The following TENM3 variants were observed in gnomAD, a reference collection of about 807,000 sequenced individuals.
TENM3 encodes the protein teneurin transmembrane protein 3.
In TENM3, 63 loss-of-function variants were observed where a neutral mutation model predicts 255.1. The observed-to-expected ratio is 0.25, with a 90% CI of 0.20 to 0.30. The LOEUF (loss-of-function observed/expected upper bound fraction) is 0.30, where lower values mean the gene tolerates loss of function less well. Ranked by LOEUF, TENM3 falls within the 10% of genes least tolerant of loss-of-function variation. The pLI is 1.00. For synonymous variants in TENM3, 1,306 were observed against 1,322.3 expected, an observed-to-expected ratio of 0.99 and a Z score of 0.27; for missense variants, 2,929 against 3,461.1, an observed-to-expected ratio of 0.85 and a Z score of 3.86.
intron 1 of TENM3, among the ~76,000 whole-genome samples, chr4:182,150,183 C>CA (rs796763515): frequency 6.8e-6 from 1 of 147,442 alleles, no homozygotes; most frequent in Non-Finnish European, 1.5e-5. Flanking sequence ...GCCTCAAAAC[C>CA]AAAAAAAGAT....
At chr4:182,076,145 A>G in the TENM3 span, among the ~76,000 whole-genome samples, 1 of 151,258 alleles carries the variant, frequency 6.6e-6, no homozygotes, top group South Asian at 2.1e-4. Context: ...TCGTGGCCTC[A>G]CACAATCAAA....
At position 182,801,029 on chromosome 4, in the gene TENM3, T is replaced by C. The variant is rs1388675784; in HGVS notation, c.*678T>C. The C allele has an allele frequency of 6.5e-6, 1 of 152,686 alleles. No individual in the cohort carries two copies. The highest frequency in any genetic ancestry group is 1.5e-5 in the Non-Finnish European group (1 of 68,048). The allele number at this position is 152,686 out of a possible 1,614,324, so 9.5% of individuals were successfully genotyped here. A position where few individuals can be genotyped will look rare whatever the true frequency, so the allele number is the denominator to read the frequency against. On this transcript the variant is annotated 3_prime_UTR_variant, in exon 28 of 28. Transcript: ENST00000511685. ...GACAAGTTGTTTATGGATTTTTATA[T>C]GAATTACAATTTACTGTACATCAAA...
At chr4:181,838,119 A>G in the TENM3 span, among the ~76,000 whole-genome samples, 10 of 144,546 alleles carry the variant, frequency 6.9e-5, no homozygotes, top group Non-Finnish European at 1.5e-5. Flanking sequence ...AGCCTGGGCA[A>G]CAGAGCAAGA....
the TENM3 span, among the ~76,000 whole-genome samples, chr4:181,744,767 G>C: frequency 3.3e-5 from 5 of 152,126 alleles, no homozygotes; most frequent in African/African-American, 7.2e-5. Flanking sequence ...AAATAGTTTT[G>C]GTATGAGATG....
chr4:181,743,160 A>G, the TENM3 span, among the ~76,000 whole-genome samples: 1 of 152,234 alleles, frequency 6.6e-6, no homozygotes, highest in African/African-American at 2.4e-5. Flanking sequence ...TCTTTATAGC[A>G]GCATGATTTA....
chr4:182,121,803 T>G, the TENM3 span, among the ~76,000 whole-genome samples: 1 of 152,302 alleles, frequency 6.6e-6, no homozygotes, highest in South Asian at 2.1e-4. Flanking sequence ...TGTGGCAATT[T>G]ATTAAAATAA....
At chr4:181,912,603 G>T in the TENM3 span, among the ~76,000 whole-genome samples, 1 of 151,922 alleles carries the variant, frequency 6.6e-6, no homozygotes, top group African/African-American at 2.4e-5. Flanking sequence ...GACCAGCCTG[G>T]CCAACATAGT....
the TENM3 span, among the ~76,000 whole-genome samples, chr4:181,584,102 A>T: frequency 6.6e-6 from 1 of 152,232 alleles, no homozygotes; most frequent in South Asian, 2.1e-4. Flanking sequence ...TAGCACTGAC[A>T]TATTCATAGT....
the TENM3 span, among the ~76,000 whole-genome samples, chr4:182,102,888 G>A: frequency 6.6e-6 from 1 of 152,110 alleles, no homozygotes; most frequent in Non-Finnish European, 1.5e-5. Flanking sequence ...AGTGCATCTG[G>A]CATTCAGTAA....
chr4:182,561,299 T>C (rs1339490108), intron 3 of TENM3, among the ~76,000 whole-genome samples: 1 of 151,760 alleles, frequency 6.6e-6, no homozygotes, highest in Non-Finnish European at 1.5e-5. Flanking sequence ...AAAATGATTT[T>C]AAAAATTAAC....
chr4:182,754,113 T>C lies in TENM3; in HGVS notation c.4018-272T>C, dbSNP rs535430393. ...AACATGTGTGTTCATAGCTCATCGA[T>C]ATCTGTTGACTCACTACGTAGAGGC... On this transcript the variant is annotated intron_variant, in intron 21 of 27. Coordinates refer to ENST00000511685, the MANE Select transcript of TENM3 (RefSeq NM_001080477.4). This position sits in a 1 kb window ranked among gnomAD's most constrained non-coding sequence, Gnocchi z 5.1. 2.0e-5 allele frequency among the ~76,000 whole-genome samples: 3 copies of C among 152,356 alleles called. No individual in the cohort carries two copies. Among genetic ancestry groups the C allele is most frequent in the Non-Finnish European group, 4.4e-5 (3 of 68,032 alleles).
chr4:182,063,352 T>C, the TENM3 span, among the ~76,000 whole-genome samples: 4 of 152,222 alleles, frequency 2.6e-5, no homozygotes, highest in Admixed American at 2.0e-4. Flanking sequence ...CTCAGGAGAA[T>C]AAGAGGCTTA....
At chr4:181,897,889 C>T in the TENM3 span, among the ~76,000 whole-genome samples, 1 of 152,146 alleles carries the variant, frequency 6.6e-6, no homozygotes, top group Non-Finnish European at 1.5e-5. Flanking sequence ...TATGGTTATG[C>T]TTCCATCAGA....
At chr4:182,076,320 T>A in the TENM3 span, among the ~76,000 whole-genome samples, 1 of 151,016 alleles carries the variant, frequency 6.6e-6, no homozygotes, top group Non-Finnish European at 1.5e-5. Flanking sequence ...TTCTCTTGCC[T>A]CAGCCTCCCA....
the TENM3 span, among the ~76,000 whole-genome samples, chr4:181,704,531 C>A: frequency 6.6e-6 from 1 of 152,110 alleles, no homozygotes; most frequent in African/African-American, 2.4e-5. Context: ...TGTTCAGATA[C>A]AAATTATTTT....
the TENM3 span, among the ~76,000 whole-genome samples, chr4:182,085,852 A>G: frequency 6.6e-6 from 1 of 152,340 alleles, no homozygotes; most frequent in East Asian, 1.9e-4. Flanking sequence ...CTCAGTATTA[A>G]AAACCATTTC....
intron 3 of TENM3, among the ~76,000 whole-genome samples, chr4:182,465,080 T>A (rs557721619): frequency 6.6e-6 from 1 of 152,312 alleles, no homozygotes; most frequent in African/African-American, 2.4e-5. Context: ...GTATGTTGAT[T>A]AATAACTCTT....
chr4:181,703,959 G>T, the TENM3 span, among the ~76,000 whole-genome samples: 2 of 152,136 alleles, frequency 1.3e-5, no homozygotes, highest in Non-Finnish European at 2.9e-5. Context: ...ATAAAGGCTT[G>T]TCCCAGGCAT....
At chr4:182,262,045 C>T (rs1379072079) in intron 1 of TENM3, among the ~76,000 whole-genome samples, 3 of 152,132 alleles carry the variant, frequency 2.0e-5, no homozygotes, top group African/African-American at 7.2e-5. Context: ...ATCAATGTTT[C>T]CTTTGTAAAG....
Sources: gnomAD v4.1 joint callset for allele counts (sites outside exome capture counted in the v4.1 genomes callset) on GRCh38, gnomAD v4.1.1 for gene constraint, Gnocchi (gnomAD v3.1) non-coding constraint, MANE v1.5 for transcripts, NCBI Gene and HGNC (gene_info 2026-07-23, HGNC 2026-07-21) for gene names.